The following CACNA1C variants were observed in gnomAD, a reference collection of about 807,000 sequenced individuals.
CACNA1C encodes the protein calcium voltage-gated channel subunit alpha1 C.
A neutral mutation model predicts 229.0 loss-of-function variants in CACNA1C; 30 were observed. The observed-to-expected ratio is 0.13, with a 90% CI of 0.10 to 0.18. The LOEUF is 0.18. CACNA1C is among the 10% of genes least tolerant of loss of function. The pLI is 1.00. For missense variants in CACNA1C, 1,658 were observed against 2,845.0 expected (o/e 0.58, Z 9.49); for synonymous variants, 1,114 against 1,132.5 (o/e 0.98, Z 0.33).
chr12:2,471,896 G>T (rs1291879115), intron 5 of CACNA1C, among the ~76,000 whole-genome samples: 2 of 152,140 alleles, frequency 1.3e-5, no homozygotes, highest in Non-Finnish European at 2.9e-5. Context: ...GGCCAGGCTG[G>T]CCTTGAACTC....
At chr12:2,578,114 C>G (rs1032065804) in intron 13 of CACNA1C, among the ~76,000 whole-genome samples, 6 of 152,006 alleles carry the variant, frequency 3.9e-5, no homozygotes, top group African/African-American at 1.4e-4. Context: ...GTGATCCGCC[C>G]GCCTCGGCCT....
intron 30 of CACNA1C, chr12:2,641,870 T>C (rs1478644757): frequency 1.5e-6 from 1 of 680,266 alleles, no homozygotes; most frequent in Non-Finnish European, 2.7e-6. Context: ...GGCTGGCCCT[T>C]GAGAGAGTTA....
At chr12:2,560,991 C>T (rs967002960) in intron 11 of CACNA1C, among the ~76,000 whole-genome samples, 2 of 152,042 alleles carry the variant, frequency 1.3e-5, no homozygotes, top group East Asian at 1.9e-4. Flanking sequence ...GAGCACTGTC[C>T]GCTCCTCACC....
At chr12:2,173,348 A>G (rs186730181) in intron 3 of CACNA1C, among the ~76,000 whole-genome samples, 1 of 152,302 alleles carries the variant, frequency 6.6e-6, no homozygotes, top group East Asian at 1.9e-4. Flanking sequence ...CTTTTATTCA[A>G]CGGGTATTAA....
At chr12:2,404,515 T>C (rs985656573) in intron 3 of CACNA1C, among the ~76,000 whole-genome samples, 1 of 152,166 alleles carries the variant, frequency 6.6e-6, no homozygotes, top group Admixed American at 6.5e-5. Context: ...TATACAATCC[T>C]GCATGATCAG....
intron 9 of CACNA1C, among the ~76,000 whole-genome samples, chr12:2,520,810 C>A (rs56951704): frequency 9.9e-3 from 1,042 of 104,826 alleles, no homozygotes; most frequent in East Asian, 0.021. Flanking sequence ...CTTCTCATTG[C>A]CCAATGGCCG....
In CACNA1C at chr12:2,584,627, T is replaced by G. The variant is rs1240969473; in HGVS notation, c.2339+10T>G. 1.3e-6 allele frequency: 2 copies of G among 1,582,120 alleles called. No individual in the cohort carries two copies. Among genetic ancestry groups the G allele is most frequent in the Non-Finnish European group, 1.7e-6 (2 of 1,152,874 alleles). On this transcript the variant is annotated intron_variant, in intron 16 of 46. Coordinates refer to ENST00000399655, the MANE Select transcript of CACNA1C (RefSeq NM_000719.7). ...GAAAGAAGCTGGCCAGGTAACCCTC[T>G]AAGCTTGCCCAGGCCTGGGGCTCCA...
intron 3 of CACNA1C, among the ~76,000 whole-genome samples, chr12:2,269,596 A>G (rs1042728368): frequency 6.6e-6 from 1 of 152,230 alleles, no homozygotes; most frequent in African/African-American, 2.4e-5. Flanking sequence ...GCTTCTAACC[A>G]TGGAAGCTTT....
intron 45 of CACNA1C, among the ~76,000 whole-genome samples, chr12:2,686,982 A>G (rs1395650326): frequency 2.0e-5 from 3 of 152,246 alleles, no homozygotes; most frequent in South Asian, 2.1e-4. Context: ...TGTTTTAAAT[A>G]GACCTATGCT....
At chr12:2,368,219 G>A (rs1467259577) in intron 3 of CACNA1C, among the ~76,000 whole-genome samples, 1 of 152,176 alleles carries the variant, frequency 6.6e-6, no homozygotes, top group Non-Finnish European at 1.5e-5. Context: ...TAGTGATGAT[G>A]TCCTGGAAGC....
chr12:2,640,423 C>T (rs1487004384), intron 30 of CACNA1C, among the ~76,000 whole-genome samples: 1 of 152,180 alleles, frequency 6.6e-6, no homozygotes, highest in Non-Finnish European at 1.5e-5. Flanking sequence ...GTTGATGCTG[C>T]GGATGCTGGA....
chr12:2,315,172 C>T (rs1188963600), intron 3 of CACNA1C, among the ~76,000 whole-genome samples: 1 of 152,222 alleles, frequency 6.6e-6, no homozygotes. Flanking sequence ...TAATTTTCCA[C>T]AAAGTGCCTT....
intron 9 of CACNA1C, among the ~76,000 whole-genome samples, chr12:2,540,246 G>A (rs1048639865): frequency 2.0e-5 from 3 of 152,148 alleles, no homozygotes; most frequent in South Asian, 4.1e-4. Context: ...TCAACTGTCC[G>A]GCACCTAGGA....
rs913043385 is a variant in CACNA1C, at chr12:2,319,385, G to T, written c.478-129591G>T. 6.6e-6 allele frequency among the ~76,000 whole-genome samples: 1 copy of T among 152,058 alleles called. No individual in the cohort carries two copies. Among genetic ancestry groups the T allele is most frequent in the Admixed American group, 6.5e-5 (1 of 15,268 alleles). ...TGGTAGGCAGCGTACCTGATGGGTG[G>T]CGTACATGGGCAGCGTACATGATGG... On this transcript the variant is annotated intron_variant, in intron 3 of 46. Transcript: ENST00000399655. The surrounding 1 kb of genome is among the most constrained non-coding windows in gnomAD (Gnocchi z 4.0).
intron 3 of CACNA1C, among the ~76,000 whole-genome samples, chr12:2,192,724 T>C (rs561002712): frequency 1.7e-4 from 25 of 149,130 alleles, no homozygotes; most frequent in Middle Eastern, 3.4e-3. Flanking sequence ...CCCCCCACTC[T>C]CCCCCTCCTC....
chr12:2,115,591 C>T (rs919065281), intron 2 of CACNA1C, 46 bp downstream of exon 2: 1 of 1,584,812 alleles, frequency 6.3e-7, no homozygotes, highest in African/African-American at 1.3e-5. Flanking sequence ...GACCTGCACG[C>T]TGGGTCCAGC....
At chr12:2,448,832 A>G (rs2099326184) in intron 3 of CACNA1C, 144 bp from the exon 4 acceptor site, 2 of 602,356 alleles carry the variant, frequency 3.3e-6, no homozygotes, top group Admixed American at 6.7e-5. Flanking sequence ...GGAGTTGCTA[A>G]TTTGGCCTGG....
At position 2,611,823 on chromosome 12, in the gene CACNA1C, C is replaced by T. The variant is rs532558317; in HGVS notation, c.3718-80C>T. On this transcript the variant is annotated intron_variant, in intron 28 of 46. Transcript: ENST00000399655. ...AAGGTCTTGCTGAGGCGAGGGCCTT[C>T]GAGAAGGCTGGGCAAAAGGTGGGGA... is the stretch of plus-strand genomic sequence containing the variant. The T allele has an allele frequency of 1.6e-4, 141 of 885,656 alleles. No homozygotes were observed. In the African/African-American group the frequency reaches 1.9e-3, roughly 12 times the overall value. The allele number at this position is 885,656 out of a possible 1,614,324, so 54.9% of individuals were successfully genotyped here. A position where few individuals can be genotyped will look rare whatever the true frequency, so the allele number is the denominator to read the frequency against.
At chr12:2,186,136 T>G (rs568924591) in intron 3 of CACNA1C, among the ~76,000 whole-genome samples, 2 of 152,302 alleles carry the variant, frequency 1.3e-5, no homozygotes, top group South Asian at 4.1e-4. Flanking sequence ...TCCTCTCATC[T>G]TTATGGGAAA....
Sources: gnomAD v4.1 joint callset for allele counts (sites outside exome capture counted in the v4.1 genomes callset) on GRCh38, gnomAD v4.1.1 for gene constraint, Gnocchi (gnomAD v3.1) non-coding constraint, MANE v1.5 for transcripts, NCBI Gene and HGNC (gene_info 2026-07-23, HGNC 2026-07-21) for gene names.